The following OSBP2 variants were observed in gnomAD, a reference collection of about 807,000 sequenced individuals.
The protein encoded by OSBP2 is oxysterol binding protein 2.
A neutral mutation model predicts 96.0 loss-of-function variants in OSBP2; 66 were observed. The observed-to-expected ratio is 0.69, with a 90% CI of 0.56 to 0.84. The LOEUF is 0.84. Ranked by LOEUF, OSBP2 falls within the 40% of genes least tolerant of loss-of-function variation. OSBP2 has a pLI of 0.00. For synonymous variants in OSBP2, 525 were observed against 520.9 expected (o/e 1.01, Z -0.11); for missense variants, 1,038 against 1,222.7 (o/e 0.85, Z 2.25).
chr22:30,862,157 G>C (rs1451427277), intron 2 of OSBP2, among the ~76,000 whole-genome samples: 1 of 152,228 alleles, frequency 6.6e-6, no homozygotes, highest in African/African-American at 2.4e-5. Flanking sequence ...CATTGCCTGA[G>C]TGGGCAGAGC....
Position 30,899,037 on chromosome 22 carries a change from A to G in OSBP2, c.2375+5036A>G, listed in dbSNP as rs140553155. 5.3e-5 allele frequency among the ~76,000 whole-genome samples: 8 copies of G among 152,208 alleles called. No homozygotes were observed. The East Asian group carries it at 1.5e-3, about 29-fold the overall frequency. On this transcript the variant is annotated intron_variant, in intron 12 of 13. Transcript: ENST00000332585. ...TTAATGTGACATATAAAGTATAAAG[A>G]CATAATTAAAACTTAGATTGGAGGG...
chr22:30,765,487 G>A (rs2090259137), intron 2 of OSBP2, among the ~76,000 whole-genome samples: 1 of 152,078 alleles, frequency 6.6e-6, no homozygotes, highest in South Asian at 2.1e-4. Flanking sequence ...AGAATTACAG[G>A]CGTGAGCAAC....
At chr22:30,715,925 C>T (rs1430385479) in intron 1 of OSBP2, among the ~76,000 whole-genome samples, 3 of 148,946 alleles carry the variant, frequency 2.0e-5, no homozygotes, top group Non-Finnish European at 3.0e-5. Context: ...TTCCTGGGCT[C>T]AAGTGATCCT....
intron 2 of OSBP2, among the ~76,000 whole-genome samples, chr22:30,742,994 C>T (rs551557673): frequency 6.6e-6 from 1 of 152,322 alleles, no homozygotes; most frequent in Admixed American, 6.5e-5. Flanking sequence ...CTTGCCTGCC[C>T]AGAGCTACAG....
chr22:30,746,149 T>C (rs77019079), intron 2 of OSBP2, among the ~76,000 whole-genome samples: 4,997 of 152,208 alleles, frequency 0.033, 155 homozygotes, highest in African/African-American at 0.08. Context: ...CTGGGCCTGG[T>C]GGGTCACGTC....
intron 12 of OSBP2, among the ~76,000 whole-genome samples, chr22:30,900,554 C>T (rs1360332477): frequency 6.6e-6 from 1 of 151,830 alleles, no homozygotes; most frequent in Non-Finnish European, 1.5e-5. Flanking sequence ...CCAGAGAGGA[C>T]TTACCCTACT....
intron 4 of OSBP2, among the ~76,000 whole-genome samples, 200 bp from the exon 5 acceptor site, chr22:30,888,023 G>A (rs1352449301): frequency 2.6e-5 from 4 of 152,156 alleles, no homozygotes; most frequent in Admixed American, 6.5e-5. Context: ...GCTCCTGTGC[G>A]GTGAATGCGT....
In OSBP2 at chr22:30,890,823, A is replaced by G. The variant is rs780589054; in HGVS notation, c.1719A>G (p.Ser573=). The G allele has an allele frequency of 6.2e-7, 1 of 1,613,730 alleles. No homozygotes were observed. Among genetic ancestry groups the G allele is most frequent in the Non-Finnish European group, 8.5e-7 (1 of 1,179,982 alleles). ...LLDKAVHCTS[S]VEQMCLVAAF... ...ACAAGGCAGTGCACTGCACCAGCTC[A>G]GTGGAGCAGATGTGCCTGGTGGCCG... is the stretch of plus-strand genomic sequence containing the variant. The change falls in exon 8 of 14, where the codon TCA becomes TCG. Residue 573 remains serine (S), a synonymous_variant. Coordinates refer to ENST00000332585, the MANE Select transcript of OSBP2 (RefSeq NM_030758.4). The surrounding 1 kb of genome is among the most constrained non-coding windows in gnomAD (Gnocchi z 4.4).
chr22:30,838,399 A>T (rs1437501864), intron 2 of OSBP2, among the ~76,000 whole-genome samples: 1 of 152,248 alleles, frequency 6.6e-6, no homozygotes, highest in Non-Finnish European at 1.5e-5. Context: ...ATAGGAAAAT[A>T]TGAGGAAATA....
chr22:30,820,264 C>T (rs1266897716), intron 2 of OSBP2, among the ~76,000 whole-genome samples: 2 of 151,870 alleles, frequency 1.3e-5, no homozygotes, highest in Non-Finnish European at 2.9e-5. Flanking sequence ...TGGTGTGCCC[C>T]AGTAGTCCCA....
At position 30,741,756 on chromosome 22, in the gene OSBP2, G is replaced by A. The variant is rs114043653; in HGVS notation, c.853+387G>A. Reference sequence around the variant, plus strand: ...GTGAAACCATTTAGCCAGAGCTGCTGTCTTTGCCTATTAGGGAAGCCCGCT... The same window carrying A: ...GTGAAACCATTTAGCCAGAGCTGCTATCTTTGCCTATTAGGGAAGCCCGCT... On this transcript the variant is annotated intron_variant, in intron 2 of 13. Transcript: ENST00000332585. Among the ~76,000 whole-genome samples, 1,271 of 152,246 alleles carry A rather than the reference G, an allele frequency of 8.3e-3. 19 individuals carry two copies. Among genetic ancestry groups the A allele is most frequent in the African/African-American group, 0.027 (1,122 of 41,540 alleles).
At chr22:30,815,383 T>C (rs2091070828) in intron 2 of OSBP2, among the ~76,000 whole-genome samples, 1 of 152,190 alleles carries the variant, frequency 6.6e-6, no homozygotes, top group Non-Finnish European at 1.5e-5. Flanking sequence ...CTCATAACTC[T>C]CACTCCCTGG....
At chr22:30,694,300 T>A, upstream of OSBP2, 3 of 1,549,408 alleles carry the variant, frequency 1.9e-6, no homozygotes, top group Non-Finnish European at 2.6e-6. Context: ...AGGCGGCCAC[T>A]TGGGGCCACC....
intron 2 of OSBP2, among the ~76,000 whole-genome samples, chr22:30,823,950 G>A (rs1376015181): frequency 2.0e-5 from 3 of 152,168 alleles, no homozygotes; most frequent in African/African-American, 7.2e-5. Flanking sequence ...TATTCCGAGG[G>A]AGAATTTTGG....
intron 2 of OSBP2, among the ~76,000 whole-genome samples, chr22:30,817,422 T>C (rs899966900): frequency 6.6e-6 from 1 of 152,252 alleles, no homozygotes; most frequent in African/African-American, 2.4e-5. Context: ...GGTTGAGGGC[T>C]GTGGCCAACT....
At chr22:30,894,288 T>A in intron 12 of OSBP2, 2 of 357,080 alleles carry the variant, frequency 5.6e-6, no homozygotes, top group South Asian at 6.1e-5. Context: ...CCACAGGAAA[T>A]AGAAAACTAT....
At chr22:30,901,681 C>G (rs903288988) in intron 12 of OSBP2, among the ~76,000 whole-genome samples, 1 of 151,682 alleles carries the variant, frequency 6.6e-6, no homozygotes, top group African/African-American at 2.4e-5. Context: ...CCTGGCCAAC[C>G]TGGTGAAACC....
Position 30,890,800 on chromosome 22 carries a change from A to G in OSBP2, c.1696A>G (p.Lys566Glu). The G allele has an allele frequency of 6.2e-7, 1 of 1,613,588 alleles. No homozygotes were observed. The highest frequency in any genetic ancestry group is 1.1e-5 in the South Asian group (1 of 91,074). The stretch of plus-strand genomic sequence containing the variant: ...CCTGGAGTACCACCACCTGCTGGAC[A>G]AGGCAGTGCACTGCACCAGCTCAGT... Reference protein sequence around the residue: ...EDLEYHHLLDKAVHCTSSVEQ... With the variant: ...EDLEYHHLLDEAVHCTSSVEQ... Residue 566 changes from lysine to glutamate, a missense_variant, in exon 8 of 14, where the codon AAG becomes GAG. Coordinates refer to ENST00000332585, the MANE Select transcript of OSBP2 (RefSeq NM_030758.4). The surrounding 1 kb of genome is among the most constrained non-coding windows in gnomAD (Gnocchi z 4.4).
At chr22:30,724,622 G>A (rs897355402) in intron 1 of OSBP2, among the ~76,000 whole-genome samples, 8 of 152,146 alleles carry the variant, frequency 5.3e-5, no homozygotes, top group Non-Finnish European at 1.2e-4. Flanking sequence ...GTCACTGAAG[G>A]ACATTTTGGT....
Sources: gnomAD v4.1 joint callset for allele counts (sites outside exome capture counted in the v4.1 genomes callset) on GRCh38, gnomAD v4.1.1 for gene constraint, Gnocchi (gnomAD v3.1) non-coding constraint, MANE v1.5 for transcripts, NCBI Gene and HGNC (gene_info 2026-07-23, HGNC 2026-07-21) for gene names.